The following NAMPT variants were observed in gnomAD, a reference collection of about 807,000 sequenced individuals.
NAMPT encodes NAmPRTase.
Under a neutral mutation model 58.7 loss-of-function variants are expected in NAMPT, and 7 were observed. The ratio of observed to expected loss-of-function variants is 0.12; its 90% CI spans 0.07 to 0.22. NAMPT has a LOEUF of 0.22. NAMPT is among the 10% of genes least tolerant of loss of function. The probability of loss-of-function intolerance (pLI) is 1.00; values close to 1 mark genes in which losing one functional copy is unlikely to be tolerated. For missense variants in NAMPT, 271 were observed against 567.9 expected, an observed-to-expected ratio of 0.48 and a Z score of 5.31; for synonymous variants, 145 against 198.1, an observed-to-expected ratio of 0.73 and a Z score of 2.25.
intron 7 of NAMPT, among the ~76,000 whole-genome samples, chr7:106,261,948 A>C (rs1186697550): frequency 1.3e-5 from 2 of 152,136 alleles, no homozygotes; most frequent in African/African-American, 4.8e-5. Flanking sequence ...AAAGTGGCTC[A>C]AAACAAGTTT....
intron 4 of NAMPT, 53 bp from the exon 5 acceptor site, chr7:106,269,365 T>C (rs746596712): frequency 1.1e-5 from 17 of 1,516,546 alleles, no homozygotes; most frequent in African/African-American, 2.8e-5. Flanking sequence ...CTGCATTCTT[T>C]CTGAGGAAAA....
chr7:106,269,021 A>C, intron 5 of NAMPT, 133 bp downstream of exon 5: 1 of 782,220 alleles, frequency 1.3e-6, no homozygotes, highest in South Asian at 1.8e-5. Flanking sequence ...GTAGGTACTG[A>C]ATATGTATCT....
intron 1 of NAMPT, 117 bp from the exon 2 acceptor site, chr7:106,277,296 A>G (rs1792665498): frequency 1.0e-5 from 9 of 863,612 alleles, no homozygotes; most frequent in Non-Finnish European, 1.6e-5. Context: ...TTTGCTATTA[A>G]CCAGTTTCTT....
At chr7:106,284,568 C>CGCGCCG (rs1280054435) in intron 1 of NAMPT, 1 of 196,230 alleles carries the variant, frequency 5.1e-6, no homozygotes, top group African/African-American at 2.4e-5. Flanking sequence ...AGCCCCCCGC[C>CGCGCCG]GCGCCGCCGC....
upstream of NAMPT, chr7:106,285,605 C>T (rs552597226): frequency 4.5e-5 from 44 of 985,732 alleles, no homozygotes; most frequent in African/African-American, 6.8e-4. Flanking sequence ...CCTCCTGATC[C>T]TCCTGACCCT....
Position 106,272,601 on chromosome 7 carries a change from G to A in NAMPT, c.376C>T (p.Pro126Ser). 6.2e-7 allele frequency: 1 copy of A among 1,613,082 alleles called. No homozygotes were observed. The highest frequency in any genetic ancestry group is 8.5e-7 in the Non-Finnish European group (1 of 1,179,292). Residue 126 changes from proline (P) to serine (S), a missense_variant, in exon 4 of 11, where the codon CCC becomes TCC. Coordinates refer to ENST00000222553, the MANE Select transcript of NAMPT (RefSeq NM_005746.3). ...ACCGTGAAGAGAACATTTCCTCTGG[G>A]AATGACAAAGCCCTCAGGAACAGCT... ...IKAVPEGFVI[P>S]RGNVLFTVEN...
In NAMPT at chr7:106,277,506, G is replaced by A. The variant is rs563382662; in HGVS notation, c.58-327C>T. On this transcript the variant is annotated intron_variant, in intron 1 of 10. Coordinates refer to ENST00000222553, the MANE Select transcript of NAMPT (RefSeq NM_005746.3). ...GAGAGAGAGAAGCAGCTGCCTAATG[G>A]GCACACACAACAGAAAGGAATGAAC... Among the ~76,000 whole-genome samples the A allele has an allele frequency of 3.9e-5, 6 of 152,174 alleles. No individual in the cohort carries two copies. The East Asian group carries it at 1.2e-3, about 29-fold the overall frequency.
At chr7:106,273,512 C>G (rs943568815) in intron 3 of NAMPT, among the ~76,000 whole-genome samples, 2 of 152,102 alleles carry the variant, frequency 1.3e-5, no homozygotes, top group Non-Finnish European at 1.5e-5. Context: ...AGTTTGGACT[C>G]AAAAGCAGCG....
At chr7:106,263,004 C>A (rs1792337318) in intron 7 of NAMPT, among the ~76,000 whole-genome samples, 1 of 152,108 alleles carries the variant, frequency 6.6e-6, no homozygotes. Flanking sequence ...TTCCACATCA[C>A]CCTGTTCCTA....
chr7:106,252,571 T>C (rs1792122082), intron 10 of NAMPT, among the ~76,000 whole-genome samples: 1 of 152,118 alleles, frequency 6.6e-6, no homozygotes, highest in Admixed American at 6.6e-5. Flanking sequence ...TTCACAAATA[T>C]AAATGTACTT....
chr7:106,251,868 C>T (rs1272071620), intron 10 of NAMPT, among the ~76,000 whole-genome samples: 1 of 152,078 alleles, frequency 6.6e-6, no homozygotes, highest in Non-Finnish European at 1.5e-5. Context: ...GGTAGAGCCA[C>T]TCCTGTCTCA....
intron 2 of NAMPT, chr7:106,275,870 C>T (rs1041422294): frequency 2.0e-5 from 3 of 151,904 alleles, no homozygotes; most frequent in Admixed American, 1.3e-4. Flanking sequence ...GACCCTGTCA[C>T]TATAAAAAAG....
At chr7:106,278,102 G>A (rs1194135687) in intron 1 of NAMPT, among the ~76,000 whole-genome samples, 1 of 152,252 alleles carries the variant, frequency 6.6e-6, no homozygotes, top group African/African-American at 2.4e-5. Context: ...CATTTTTCAT[G>A]AGTGATCACT....
chr7:106,277,971 A>G (rs1211350015), intron 1 of NAMPT, among the ~76,000 whole-genome samples: 2 of 152,258 alleles, frequency 1.3e-5, no homozygotes, highest in African/African-American at 4.8e-5. Context: ...ACATTTTACC[A>G]ATAAAAAATA....
intron 3 of NAMPT, among the ~76,000 whole-genome samples, chr7:106,273,693 C>T (rs981433794): frequency 2.0e-5 from 3 of 152,064 alleles, no homozygotes; most frequent in African/African-American, 7.2e-5. Context: ...AGCATAGTAC[C>T]TAACTTATTA....
At chr7:106,281,694 A>C (rs1028825902) in intron 1 of NAMPT, among the ~76,000 whole-genome samples, 10 of 152,228 alleles carry the variant, frequency 6.6e-5, no homozygotes, top group East Asian at 1.9e-4. Context: ...TGTTGCCCCC[A>C]AAAATAATTC....
Position 106,277,122 on chromosome 7 carries a change from A to G in NAMPT, c.115T>C (p.Cys39Arg). 6.2e-7 allele frequency: 1 copy of G among 1,611,122 alleles called. No homozygotes were observed. The highest frequency in any genetic ancestry group is 8.5e-7 in the Non-Finnish European group (1 of 1,177,490). The part of the protein sequence containing the change: ...NTSKVYSYFE[C>R]REKKTENSKL... ...GAGTTTTCTGTCTTCTTTTCACGGCATTCAAAGTAGGAATAAACTTTGCTT... is the reference window on the plus strand; with the variant it reads ...GAGTTTTCTGTCTTCTTTTCACGGCGTTCAAAGTAGGAATAAACTTTGCTT... The change falls in exon 2 of 11, where the codon TGC becomes CGC. Residue 39 changes from cysteine to arginine, a missense_variant. Physicochemically the swap from Cys to Arg is radical, Grantham distance 180. Transcript: ENST00000222553.
chr7:106,268,949 CTAA>C (rs1274625453), intron 5 of NAMPT, among the ~76,000 whole-genome samples: 1 of 152,144 alleles, frequency 6.6e-6, no homozygotes, highest in Non-Finnish European at 1.5e-5. Flanking sequence ...GTCCATCCAT[CTAA>C]TATATAAAGG....
chr7:106,276,861 T>A, intron 2 of NAMPT, 162 bp downstream of exon 2: 2 of 599,120 alleles, frequency 3.3e-6, no homozygotes, highest in Non-Finnish European at 5.7e-6. Context: ...AAAAAAAACC[T>A]TTTATTTCAG....
Sources: gnomAD v4.1 joint callset for allele counts (sites outside exome capture counted in the v4.1 genomes callset) on GRCh38, gnomAD v4.1.1 for gene constraint, MANE v1.5 for transcripts, NCBI Gene and HGNC (gene_info 2026-07-23, HGNC 2026-07-21) for gene names.